The following ELMO1 variants were observed in gnomAD, a reference collection of about 807,000 sequenced individuals.
ELMO1 encodes engulfment and cell motility 1, also known as engulfment and cell motility protein 1.
Under a neutral mutation model 98.9 loss-of-function variants are expected in ELMO1, and 26 were observed. That is an observed-to-expected ratio of 0.26 (90% CI 0.19 to 0.36). The LOEUF (loss-of-function observed/expected upper bound fraction) is 0.36, where lower values mean the gene tolerates loss of function less well. ELMO1 is among the 10% of genes least tolerant of loss of function. ELMO1 has a pLI of 1.00. For missense variants in ELMO1, 627 were observed against 935.2 expected (o/e 0.67, Z 4.30); for synonymous variants, 346 against 346.0 (o/e 1.00, Z 0.00).
intron 15 of ELMO1, among the ~76,000 whole-genome samples, chr7:37,062,243 T>C (rs770793080): frequency 7.2e-5 from 11 of 152,212 alleles, no homozygotes; most frequent in South Asian, 2.1e-4. Flanking sequence ...GGCCTTTCAA[T>C]GTTAGTGAAG....
chr7:37,158,401 C>T (rs1584736760), intron 13 of ELMO1, among the ~76,000 whole-genome samples: 1 of 152,194 alleles, frequency 6.6e-6, no homozygotes, highest in African/African-American at 2.4e-5. Context: ...ATTTTGCAAT[C>T]TATCCATCTG....
intron 7 of ELMO1, among the ~76,000 whole-genome samples, chr7:37,235,186 T>C (rs1794394573): frequency 6.6e-6 from 1 of 152,056 alleles, no homozygotes; most frequent in African/African-American, 2.4e-5. Flanking sequence ...CCAGAATGAC[T>C]CTTTCTACAG....
At chr7:37,334,291 C>G (rs891748636) in intron 2 of ELMO1, among the ~76,000 whole-genome samples, 1 of 152,002 alleles carries the variant, frequency 6.6e-6, no homozygotes, top group Non-Finnish European at 1.5e-5. Context: ...ACTAAAAATA[C>G]AAAAATTAGC....
intron 18 of ELMO1, among the ~76,000 whole-genome samples, chr7:36,884,314 CAAA>C (rs59762953): frequency 0.057 from 7,273 of 127,708 alleles, 275 homozygotes; most frequent in South Asian, 0.16. Flanking sequence ...GAGACTGTCT[CAAA>C]AAAAAAAAAA....
intron 14 of ELMO1, among the ~76,000 whole-genome samples, chr7:37,110,914 A>C (rs1785218489): frequency 1.3e-5 from 2 of 152,166 alleles, no homozygotes; most frequent in South Asian, 2.1e-4. Flanking sequence ...TTTTTTGGTA[A>C]GCTCTTTGGG....
Position 37,340,961 on chromosome 7 carries a change from C to T in ELMO1, c.78+1652G>A, listed in dbSNP as rs78323460. 1.6e-3 allele frequency among the ~76,000 whole-genome samples: 242 copies of T among 152,286 alleles called. 2 individuals carry two copies. The highest frequency in any genetic ancestry group is 5.5e-3 in the African/African-American group (230 of 41,554). ...ATGGGACCACTGAAAATAGTTATTT[C>T]GAATAAGTGCCTGGGTAATTCTGAT... On this transcript the variant is annotated intron_variant, in intron 2 of 21. Coordinates refer to ENST00000310758, the MANE Select transcript of ELMO1 (RefSeq NM_014800.11).
intron 1 of ELMO1, among the ~76,000 whole-genome samples, chr7:37,369,815 A>G (rs537497925): frequency 6.6e-6 from 1 of 152,286 alleles, no homozygotes; most frequent in Admixed American, 6.5e-5. Context: ...GATATCTTCA[A>G]TGGTGGGGCT....
At chr7:37,445,406 C>T (rs1291070463) in intron 1 of ELMO1, among the ~76,000 whole-genome samples, 1 of 152,172 alleles carries the variant, frequency 6.6e-6, no homozygotes, top group African/African-American at 2.4e-5. Flanking sequence ...ATTGTATCCA[C>T]TGTCTTAGAT....
chr7:37,102,802 C>T (rs984250277), intron 14 of ELMO1, among the ~76,000 whole-genome samples: 1 of 152,164 alleles, frequency 6.6e-6, no homozygotes, highest in Non-Finnish European at 1.5e-5. Flanking sequence ...GCTTAGATGG[C>T]CTAACCCCAA....
chr7:37,134,977 T>A (rs575136022), intron 13 of ELMO1, among the ~76,000 whole-genome samples: 1 of 152,316 alleles, frequency 6.6e-6, no homozygotes, highest in East Asian at 1.9e-4. Context: ...AGGTGATGGA[T>A]ACACTAAAAT....
intron 16 of ELMO1, among the ~76,000 whole-genome samples, chr7:36,927,690 C>T (rs1785691695): frequency 6.6e-6 from 1 of 152,158 alleles, no homozygotes; most frequent in African/African-American, 2.4e-5. Flanking sequence ...TGAGACAGTC[C>T]CAGACTATTT....
chr7:36,979,171 A>G (rs1307154315), intron 16 of ELMO1, among the ~76,000 whole-genome samples: 1 of 152,198 alleles, frequency 6.6e-6, no homozygotes, highest in South Asian at 2.1e-4. Flanking sequence ...ATCTGAAAGT[A>G]GAGAGAAACT....
chr7:36,945,099 T>A (rs574173579), intron 16 of ELMO1, among the ~76,000 whole-genome samples: 2 of 152,366 alleles, frequency 1.3e-5, no homozygotes, highest in African/African-American at 4.8e-5. Flanking sequence ...GTACCATCAT[T>A]ACTTCATTAT....
chr7:37,350,685 T>A (rs1489463003), intron 1 of ELMO1, among the ~76,000 whole-genome samples: 2 of 152,170 alleles, frequency 1.3e-5, no homozygotes, highest in Admixed American at 6.5e-5. Context: ...CCCTCAAAAT[T>A]TGTATGTTCA....
intron 4 of ELMO1, among the ~76,000 whole-genome samples, chr7:37,277,275 G>A (rs923938623): frequency 3.9e-5 from 6 of 152,236 alleles, no homozygotes; most frequent in African/African-American, 1.4e-4. Context: ...TCAGCACATA[G>A]GTGTGATGCA....
chr7:37,357,919 T>TA (rs931046054), intron 1 of ELMO1, among the ~76,000 whole-genome samples: 1 of 152,104 alleles, frequency 6.6e-6, no homozygotes, highest in African/African-American at 2.4e-5. Context: ...CATAGATAAA[T>TA]AAGATCTGAG....
chr7:37,254,079 A>T (rs1795507258), intron 6 of ELMO1, among the ~76,000 whole-genome samples: 1 of 152,148 alleles, frequency 6.6e-6, no homozygotes, highest in Non-Finnish European at 1.5e-5. Flanking sequence ...GATCTGAAAA[A>T]TTTGCTGTTT....
intron 18 of ELMO1, among the ~76,000 whole-genome samples, chr7:36,880,625 A>G (rs909885597): frequency 1.3e-5 from 2 of 152,196 alleles, no homozygotes; most frequent in Admixed American, 6.5e-5. Flanking sequence ...CATGAAAGAC[A>G]AGGCCAAGGA....
chr7:37,425,190 G>C (rs1470725437), intron 1 of ELMO1, among the ~76,000 whole-genome samples: 4 of 152,140 alleles, frequency 2.6e-5, no homozygotes, highest in Non-Finnish European at 5.9e-5. Flanking sequence ...TGAGATCAGG[G>C]TGCCAGCAGG....
Sources: gnomAD v4.1 joint callset for allele counts (sites outside exome capture counted in the v4.1 genomes callset) on GRCh38, gnomAD v4.1.1 for gene constraint, MANE v1.5 for transcripts, NCBI Gene and HGNC (gene_info 2026-07-23, HGNC 2026-07-21) for gene names.